Variants in JAKMIP1 observed in about 807,000 individuals in gnomAD.
JAKMIP1 encodes janus kinase and microtubule-interacting protein 1.
In JAKMIP1, 33 loss-of-function variants were observed where a neutral mutation model predicts 113.0. That is an observed-to-expected ratio of 0.29 (90% CI 0.22 to 0.39). The LOEUF is 0.39. JAKMIP1 is among the 10% of genes least tolerant of loss of function. The pLI is 1.00. For synonymous variants in JAKMIP1, 480 were observed against 459.9 expected (o/e 1.04, Z -0.56); for missense variants, 813 against 1,080.5 (o/e 0.75, Z 3.47).
rs1408936214 is a variant in JAKMIP1 at position 6,200,272 on chromosome 4, G to T, written c.-167C>A. ...ACCCACCTGCTCGGCGCTCAGGCCC[G>T]AGCCGGGCAGCAGCAGCGGACGTAG... On this transcript the variant is annotated 5_prime_UTR_variant, in exon 1 of 21. Coordinates refer to ENST00000409021, the MANE Select transcript of JAKMIP1 (RefSeq NM_001099433.2). The surrounding 1 kb of genome is among the most constrained non-coding windows in gnomAD (Gnocchi z 7.0). The T allele has an allele frequency of 6.6e-6, 1 of 152,358 alleles. No individual in the cohort carries two copies. Among genetic ancestry groups the T allele is most frequent in the Non-Finnish European group, 1.5e-5 (1 of 68,016 alleles). The allele number at this position is 152,358 out of a possible 1,614,324, so 9.4% of individuals were successfully genotyped here.
intron 3 of JAKMIP1, among the ~76,000 whole-genome samples, chr4:6,099,537 C>T (rs1392130134): frequency 6.6e-6 from 1 of 150,614 alleles, no homozygotes; most frequent in East Asian, 2.0e-4. Flanking sequence ...ATGCATTTTA[C>T]GTCTGCATAT....
Position 6,076,236 on chromosome 4 carries a change from A to C in JAKMIP1, c.1302+2703T>G, listed in dbSNP as rs940457613. ...AACAAACAAACAAATAAATATAGAC[A>C]AGTTCTACTCAAACCACTTCCTATT... is the stretch of plus-strand genomic sequence containing the variant. On this transcript the variant is annotated intron_variant, in intron 8 of 20. Transcript: ENST00000409021. This position sits in a 1 kb window ranked among gnomAD's most constrained non-coding sequence, Gnocchi z 4.8. Among the ~76,000 whole-genome samples, 1 of 152,088 alleles carries C rather than the reference A, an allele frequency of 6.6e-6. No individual in the cohort carries two copies.
Position 6,080,425 on chromosome 4 carries a change from G to A in JAKMIP1, c.1102-113C>T. 7.1e-6 allele frequency: 9 copies of A among 1,269,530 alleles called. No homozygotes were observed. Among genetic ancestry groups the A allele is most frequent in the Non-Finnish European group, 1.1e-6 (1 of 917,098 alleles). 78.6% of individuals were successfully genotyped at this position (1,269,530 alleles called of 1,614,324 possible). On this transcript the variant is annotated intron_variant, in intron 6 of 20. Transcript: ENST00000409021. The surrounding 1 kb of genome is among the most constrained non-coding windows in gnomAD (Gnocchi z 6.0). ...GGGACAGAAGGATGGATGGGAGGAT[G>A]AAAGAGATGATGGCCTGATATGGTT...
Position 6,037,264 on chromosome 4 carries a change from T to C in JAKMIP1, c.2176-1157A>G, listed in dbSNP as rs957040960. ...AGGCTAACCGGTATCCCTCCATCAC[T>C]GAGTCAGAGGTTAACCCAGTAGCCC... On this transcript the variant is annotated intron_variant, in intron 18 of 20. Coordinates refer to ENST00000409021, the MANE Select transcript of JAKMIP1 (RefSeq NM_001099433.2). 6.6e-4 allele frequency among the ~76,000 whole-genome samples: 75 copies of C among 113,358 alleles called. 1 individual carries two copies. The highest frequency in any genetic ancestry group is 2.6e-3 in the African/African-American group (53 of 20,352). 74.4% of individuals were successfully genotyped at this position (113,358 alleles called of 152,430 possible). A position where few individuals can be genotyped will look rare whatever the true frequency, so the allele number is the denominator to read the frequency against.
intron 1 of JAKMIP1, among the ~76,000 whole-genome samples, chr4:6,191,416 T>C (rs1308217858): frequency 1.3e-5 from 2 of 152,142 alleles, no homozygotes; most frequent in African/African-American, 4.8e-5. Flanking sequence ...GCTATGGGTC[T>C]CCCCTCCCCC....
At chr4:6,170,542 ACCT>A (rs1724422102) in intron 1 of JAKMIP1, among the ~76,000 whole-genome samples, 2 of 146,920 alleles carry the variant, frequency 1.4e-5, no homozygotes, top group South Asian at 2.2e-4. Context: ...CACCACCACC[ACCT>A]CCATCACCAT....
In JAKMIP1 at chr4:6,167,643, CCA is replaced by C. The variant is rs1396418957; in HGVS notation, c.-148+32608_-148+32609del. 6.6e-6 allele frequency among the ~76,000 whole-genome samples: 1 copy of C among 152,170 alleles called. No homozygotes were observed. The highest frequency in any genetic ancestry group is 1.9e-4 in the East Asian group (1 of 5,188). ...CGTTTCTGACAACCACCAGCCCTAACCACAGACTTCCATGGGCCGGGCACTGA... is the reference window on the plus strand; with the variant it reads ...CGTTTCTGACAACCACCAGCCCTAACCAGACTTCCATGGGCCGGGCACTGA... On this transcript the variant is annotated intron_variant, in intron 1 of 20. Transcript: ENST00000409021. The surrounding 1 kb of genome is among the most constrained non-coding windows in gnomAD (Gnocchi z 5.3).
rs931402797 is a variant in JAKMIP1, at chr4:6,136,116, G to C, written c.-147-23119C>G. Among the ~76,000 whole-genome samples, 2 of 152,056 alleles carry C rather than the reference G, an allele frequency of 1.3e-5. No homozygotes were observed. The highest frequency in any genetic ancestry group is 2.9e-5 in the Non-Finnish European group (2 of 68,010). On this transcript the variant is annotated intron_variant, in intron 1 of 20. Transcript: ENST00000409021. The surrounding 1 kb of genome is among the most constrained non-coding windows in gnomAD (Gnocchi z 5.9). ...CAAAAATTGGCCGGGCATGGTGGTG[G>C]GTTCCTGTATTCCCAGCTGCTGGGG... is the stretch of plus-strand genomic sequence containing the variant.
chr4:6,064,188 A>G lies in JAKMIP1; in HGVS notation c.1431+692T>C, dbSNP rs73073451. Among the ~76,000 whole-genome samples the G allele has an allele frequency of 0.021, 3,137 of 152,312 alleles. 57 individuals are homozygous for G. Among genetic ancestry groups the G allele is most frequent in the South Asian group, 0.091 (441 of 4,826 alleles). On this transcript the variant is annotated intron_variant, in intron 9 of 20. Transcript: ENST00000409021. This position sits in a 1 kb window ranked among gnomAD's most constrained non-coding sequence, Gnocchi z 4.3. ...AGTCTGCTGTTTAGGAAATTAATCA[A>G]ATGTGATTATTCCCATCACTGGAAG...
In JAKMIP1 at chr4:6,139,816, C is replaced by T. The variant is rs2108957665; in HGVS notation, c.-147-26819G>A. Among the ~76,000 whole-genome samples, 1 of 149,252 alleles carries T rather than the reference C, an allele frequency of 6.7e-6. No homozygotes were observed. The highest frequency in any genetic ancestry group is 2.1e-4 in the South Asian group (1 of 4,800). On this transcript the variant is annotated intron_variant, in intron 1 of 20. Transcript: ENST00000409021. The surrounding 1 kb of genome is among the most constrained non-coding windows in gnomAD (Gnocchi z 5.2). ...ATAAAATAAAATAAGGAAATGGGAG[C>T]ACAGAGACACAGAGACAAAGGAGAA...
In JAKMIP1 at chr4:6,140,345, C is replaced by T. The variant is rs564815126; in HGVS notation, c.-147-27348G>A. On this transcript the variant is annotated intron_variant, in intron 1 of 20. Coordinates refer to ENST00000409021, the MANE Select transcript of JAKMIP1 (RefSeq NM_001099433.2). This position sits in a 1 kb window ranked among gnomAD's most constrained non-coding sequence, Gnocchi z 9.4. ...ATCATAATGCACACCTGATGATGGG[C>T]CGACCATAAATCCCCCCACGTGGCG... Among the ~76,000 whole-genome samples, 14 of 151,508 alleles carry T rather than the reference C, an allele frequency of 9.2e-5. No homozygotes were observed. Among genetic ancestry groups the T allele is most frequent in the Non-Finnish European group, 1.3e-4 (9 of 67,964 alleles).
chr4:6,047,299 A>G (rs1715121037), intron 16 of JAKMIP1, among the ~76,000 whole-genome samples: 1 of 152,274 alleles, frequency 6.6e-6, no homozygotes, highest in Admixed American at 6.5e-5. Context: ...CTTTCTCAGT[A>G]AATATTCCAG....
chr4:6,120,082 C>G (rs1716476055), intron 1 of JAKMIP1, among the ~76,000 whole-genome samples: 1 of 152,052 alleles, frequency 6.6e-6, no homozygotes, highest in Non-Finnish European at 1.5e-5. Flanking sequence ...CGTGGAAATC[C>G]CAGGGGTCTC....
At position 6,155,056 on chromosome 4, in the gene JAKMIP1, C is replaced by A. The variant is rs1338195661; in HGVS notation, c.-147-42059G>T. Among the ~76,000 whole-genome samples the A allele has an allele frequency of 6.6e-6, 1 of 152,246 alleles. No individual in the cohort carries two copies. The highest frequency in any genetic ancestry group is 2.4e-5 in the African/African-American group (1 of 41,550). On this transcript the variant is annotated intron_variant, in intron 1 of 20. Transcript: ENST00000409021. The surrounding 1 kb of genome is among the most constrained non-coding windows in gnomAD (Gnocchi z 6.1). ...CATTCCCGAGCAGTGGGAAGACAGTCGGGAGATGCCAGCCCAGCCTGCTGG... is the reference window on the plus strand; with the variant it reads ...CATTCCCGAGCAGTGGGAAGACAGTAGGGAGATGCCAGCCCAGCCTGCTGG...
chr4:6,058,230 C>T (rs1338986145), intron 11 of JAKMIP1, among the ~76,000 whole-genome samples: 2 of 152,198 alleles, frequency 1.3e-5, no homozygotes, highest in African/African-American at 4.8e-5. Flanking sequence ...TAGAAAAGTT[C>T]CTCTTCAAAG....
intron 1 of JAKMIP1, among the ~76,000 whole-genome samples, chr4:6,144,947 C>T (rs541627087): frequency 6.6e-6 from 1 of 152,250 alleles, no homozygotes; most frequent in East Asian, 1.9e-4. Flanking sequence ...TTATCTATTT[C>T]CCAATGACAT....
intron 1 of JAKMIP1, among the ~76,000 whole-genome samples, chr4:6,144,730 A>G (rs1720612375): frequency 6.6e-6 from 1 of 152,222 alleles, no homozygotes; most frequent in African/African-American, 2.4e-5. Context: ...AGGGACTTTC[A>G]CAACCCAATA....
At position 6,094,751 on chromosome 4, in the gene JAKMIP1, T is replaced by C. The variant is rs1054928188; in HGVS notation, c.625-9122A>G. Among the ~76,000 whole-genome samples the C allele has an allele frequency of 4.6e-5, 7 of 152,202 alleles. No individual in the cohort carries two copies. The highest frequency in any genetic ancestry group is 1.7e-4 in the African/African-American group (7 of 41,456). On this transcript the variant is annotated intron_variant, in intron 3 of 20. Transcript: ENST00000409021. The surrounding 1 kb of genome is among the most constrained non-coding windows in gnomAD (Gnocchi z 4.2). ...GCTCACGCCTATAATCCCAGCACTT[T>C]GGGAGGCAGAGGCAGGACATTTGCT...
In JAKMIP1 at chr4:6,072,381, C is replaced by T. The variant is rs144813114; in HGVS notation, c.1302+6558G>A. 2.5e-3 allele frequency among the ~76,000 whole-genome samples: 388 copies of T among 152,332 alleles called. 1 individual carries two copies. The highest frequency in any genetic ancestry group is 8.9e-3 in the African/African-American group (368 of 41,578). ...GACTTTTTGATTTACATCAGCCACT[C>T]AGCTGGCGAGGCTGGGACAAAGTCC... On this transcript the variant is annotated intron_variant, in intron 8 of 20. Coordinates refer to ENST00000409021, the MANE Select transcript of JAKMIP1 (RefSeq NM_001099433.2).
Sources: allele counts gnomAD v4.1 joint callset (sites outside exome capture counted in the v4.1 genomes callset), GRCh38; gene constraint gnomAD v4.1.1; non-coding constraint Gnocchi (gnomAD v3.1); transcripts MANE v1.5; gene names NCBI Gene and HGNC (gene_info 2026-07-23, HGNC 2026-07-21).